The following PACRG variants were observed in gnomAD, a reference collection of about 807,000 sequenced individuals.
PACRG encodes parkin coregulated.
In PACRG, 29 loss-of-function variants were observed where a neutral mutation model predicts 29.7. That is an observed-to-expected ratio of 0.98 (90% CI 0.73 to 1.33). PACRG has a LOEUF of 1.33. PACRG is among the 40% of genes most tolerant of loss of function. The pLI is 0.00. For synonymous variants in PACRG, 116 were observed against 118.7 expected (o/e 0.98, Z 0.15); for missense variants, 279 against 316.2 (o/e 0.88, Z 0.89).
intron 4 of PACRG, among the ~76,000 whole-genome samples, chr6:163,098,742 TAGAC>T (rs1325668629): frequency 6.6e-5 from 10 of 152,322 alleles, no homozygotes; most frequent in South Asian, 2.1e-4. Context: ...GGCTACTCCA[TAGAC>T]AGAGCAGCCC....
intron 3 of PACRG, among the ~76,000 whole-genome samples, chr6:163,085,083 C>T (rs1194146719): frequency 1.3e-5 from 2 of 152,012 alleles, no homozygotes; most frequent in Non-Finnish European, 2.9e-5. Flanking sequence ...AGGTAGTAAT[C>T]ACTTTGTTAC....
At chr6:162,834,559 C>T (rs1789053872) in intron 2 of PACRG, among the ~76,000 whole-genome samples, 1 of 151,724 alleles carries the variant, frequency 6.6e-6, no homozygotes, top group Admixed American at 6.6e-5. Flanking sequence ...TGCAAAGACC[C>T]TGATTCTGAC....
At chr6:163,258,885 G>T (rs1309302331) in intron 4 of PACRG, among the ~76,000 whole-genome samples, 1 of 152,118 alleles carries the variant, frequency 6.6e-6, no homozygotes, top group Non-Finnish European at 1.5e-5. Flanking sequence ...CTAGCTTTCG[G>T]TATCAACATC....
chr6:162,830,296 C>T (rs1166405901), intron 2 of PACRG, among the ~76,000 whole-genome samples: 1 of 152,122 alleles, frequency 6.6e-6, no homozygotes, highest in Non-Finnish European at 1.5e-5. Flanking sequence ...GTTAGAAGCC[C>T]TTAATTTTGT....
intron 4 of PACRG, among the ~76,000 whole-genome samples, chr6:163,099,043 C>T (rs1814852167): frequency 6.6e-6 from 1 of 152,198 alleles, no homozygotes; most frequent in South Asian, 2.1e-4. Context: ...CCTATTTCAT[C>T]CTGTGACTCA....
At chr6:163,097,945 C>T (rs551806026) in intron 4 of PACRG, among the ~76,000 whole-genome samples, 1 of 152,262 alleles carries the variant, frequency 6.6e-6, no homozygotes, top group South Asian at 2.1e-4. Context: ...TTTATAGACA[C>T]AACTTTCTCC....
intron 4 of PACRG, among the ~76,000 whole-genome samples, chr6:163,270,876 G>A (rs1783800028): frequency 6.6e-6 from 1 of 152,112 alleles, no homozygotes; most frequent in Non-Finnish European, 1.5e-5. Context: ...CTTCTGAATT[G>A]GTTGTATATT....
chr6:162,995,729 C>G (rs78456499), intron 2 of PACRG, among the ~76,000 whole-genome samples: 1 of 152,230 alleles, frequency 6.6e-6, no homozygotes, highest in Non-Finnish European at 1.5e-5. Flanking sequence ...GAGCTGTAGA[C>G]CGGAGCTGTT....
chr6:162,906,082 C>T (rs1025977183), intron 2 of PACRG, among the ~76,000 whole-genome samples: 1 of 152,096 alleles, frequency 6.6e-6, no homozygotes, highest in Non-Finnish European at 1.5e-5. Context: ...CCAACTGCGG[C>T]AAGGTTTTCA....
At chr6:162,870,552 G>A (rs996311715) in intron 2 of PACRG, among the ~76,000 whole-genome samples, 3 of 152,132 alleles carry the variant, frequency 2.0e-5, no homozygotes, top group African/African-American at 7.2e-5. Flanking sequence ...AACCCAGTTC[G>A]TAGTCTGTTA....
intron 2 of PACRG, among the ~76,000 whole-genome samples, chr6:162,932,111 G>A (rs1797894940): frequency 6.6e-6 from 1 of 151,890 alleles, no homozygotes. Context: ...ACACTTAACA[G>A]CATGGATGCA....
chr6:162,972,696 T>A (rs1406839068), intron 2 of PACRG, among the ~76,000 whole-genome samples: 1 of 152,148 alleles, frequency 6.6e-6, no homozygotes. Flanking sequence ...GAAGATCCCA[T>A]AACACATCTG....
At chr6:163,034,534 A>T (rs1807979485) in intron 2 of PACRG, among the ~76,000 whole-genome samples, 1 of 152,268 alleles carries the variant, frequency 6.6e-6, no homozygotes, top group East Asian at 1.9e-4. Context: ...TAACCCACTC[A>T]TTCTTAAGAG....
At chr6:163,176,629 T>C (rs1325822071) in intron 4 of PACRG, among the ~76,000 whole-genome samples, 1 of 152,152 alleles carries the variant, frequency 6.6e-6, no homozygotes, top group African/African-American at 2.4e-5. Context: ...TGCAGTCAAG[T>C]TTGCAAAGTT....
intron 4 of PACRG, among the ~76,000 whole-genome samples, chr6:163,277,258 G>A (rs546162437): frequency 2.6e-5 from 4 of 151,910 alleles, no homozygotes; most frequent in Admixed American, 2.0e-4. Context: ...TCACCACCAC[G>A]TACCCTTCCC....
At chr6:163,098,419 GC>G (rs1327563288) in intron 4 of PACRG, among the ~76,000 whole-genome samples, 1 of 152,070 alleles carries the variant, frequency 6.6e-6, no homozygotes, top group Admixed American at 6.5e-5. Context: ...CCCTGACTCC[GC>G]CCCCACTAGC....
In PACRG at chr6:162,882,091, T is replaced by TGG. The variant is rs569901995; in HGVS notation, c.291+67816_291+67817dup. ...CTCCACCAAGACCAGAGACTCGGGG[T>TGG]GGGGGGGCGCACTCTCCACCAAGAA... On this transcript the variant is annotated intron_variant, in intron 2 of 4. Coordinates refer to ENST00000366888, the MANE Select transcript of PACRG (RefSeq NM_001080379.2). 3.3e-5 allele frequency among the ~76,000 whole-genome samples: 2 copies of TGG among 60,654 alleles called. 1 individual carries two copies. The highest frequency in any genetic ancestry group is 1.2e-3 in the South Asian group (2 of 1,662). 39.8% of individuals were successfully genotyped at this position (60,654 alleles called of 152,430 possible).
chr6:163,249,690 C>T (rs1023122936), intron 4 of PACRG, among the ~76,000 whole-genome samples: 6 of 152,190 alleles, frequency 3.9e-5, no homozygotes, highest in Admixed American at 6.5e-5. Flanking sequence ...TAGCAACCAG[C>T]GAAGTTTCTG....
At chr6:163,074,159 T>G (rs560128729) in intron 3 of PACRG, among the ~76,000 whole-genome samples, 1 of 152,292 alleles carries the variant, frequency 6.6e-6, no homozygotes, top group South Asian at 2.1e-4. Flanking sequence ...AACCAAGATT[T>G]GGAAGCAACC....
Sources: gnomAD v4.1 joint callset for allele counts (sites outside exome capture counted in the v4.1 genomes callset) on GRCh38, gnomAD v4.1.1 for gene constraint, MANE v1.5 for transcripts, NCBI Gene and HGNC (gene_info 2026-07-23, HGNC 2026-07-21) for gene names.